XRCC5: variants seen among roughly 807,000 people sequenced by gnomAD.
The protein encoded by XRCC5 is X-ray repair cross complementing 5, also known as DNA repair protein Ku80.
In XRCC5, 12 loss-of-function variants were observed where a neutral mutation model predicts 95.7. That is an observed-to-expected ratio of 0.13 (90% CI 0.08 to 0.20). The LOEUF is 0.20. XRCC5 is among the 10% of genes least tolerant of loss of function. The probability of loss-of-function intolerance (pLI) is 1.00; values close to 1 mark genes in which losing one functional copy is unlikely to be tolerated. For synonymous variants in XRCC5, 281 were observed against 290.3 expected, an observed-to-expected ratio of 0.97 and a Z score of 0.33; for missense variants, 595 against 873.9, an observed-to-expected ratio of 0.68 and a Z score of 4.02.
intron 5 of XRCC5, 45 bp from the exon 6 acceptor site, chr2:216,122,017 A>G (rs1696820992): frequency 6.7e-7 from 1 of 1,497,950 alleles, no homozygotes; most frequent in Non-Finnish European, 9.0e-7. Context: ...GATGAGTTAC[A>G]GTTACAGGAT....
intron 2 of XRCC5, among the ~76,000 whole-genome samples, chr2:216,116,150 T>G (rs1053062229): frequency 6.6e-6 from 1 of 152,228 alleles, no homozygotes; most frequent in African/African-American, 2.4e-5. Flanking sequence ...GATAGTTTGC[T>G]TCCAGTTTTT....
Position 216,160,054 on chromosome 2 carries a change from T to C in XRCC5, c.1671-14T>C, listed in dbSNP as rs574213664. The C allele has an allele frequency of 4.5e-6, 7 of 1,550,654 alleles. No individual in the cohort carries two copies. In the East Asian group the frequency reaches 1.4e-4, roughly 31 times the overall value. On this transcript the variant is annotated splice_polypyrimidine_tract_variant and intron_variant, in intron 14 of 20. Transcript: ENST00000392132. ...ATTGTTTGTTCTAAGAGAAATTTTTTTTTTCTTTTCTAGCCATGAAGATGG... is the reference window on the plus strand; with the variant it reads ...ATTGTTTGTTCTAAGAGAAATTTTTCTTTTCTTTTCTAGCCATGAAGATGG...
intron 14 of XRCC5, 119 bp downstream of exon 14, chr2:216,148,395 C>G: frequency 1.1e-6 from 1 of 910,160 alleles, no homozygotes; most frequent in Non-Finnish European, 1.6e-6. Context: ...GAGGAAGAAG[C>G]CTTTTGCTAT....
At chr2:216,201,550 C>T (rs1467884454) in intron 19 of XRCC5, among the ~76,000 whole-genome samples, 1 of 152,134 alleles carries the variant, frequency 6.6e-6, no homozygotes, top group Admixed American at 6.6e-5. Flanking sequence ...ATAAAGTTCT[C>T]CAGGTAAGGA....
At chr2:216,159,369 G>A (rs1000023818) in intron 14 of XRCC5, among the ~76,000 whole-genome samples, 2 of 152,218 alleles carry the variant, frequency 1.3e-5, no homozygotes, top group African/African-American at 4.8e-5. Context: ...GTTAAAGCCA[G>A]CATGTTGCTT....
Position 216,122,196 on chromosome 2 carries a change from A to G in XRCC5, c.626A>G (p.Lys209Arg). 1 of 1,613,950 alleles carries G rather than the reference A, an allele frequency of 6.2e-7. No homozygotes were observed. Residue 209 changes from lysine (K) to arginine (R), a missense_variant, in exon 6 of 21, where the codon AAA becomes AGA. By Grantham distance (26) the Lys-to-Arg change is conservative (BLOSUM62 2). Coordinates refer to ENST00000392132, the MANE Select transcript of XRCC5 (RefSeq NM_021141.4). ...EQQKEGLEIV[K>R]MVMISLEGED... ...CAAAAAGAAGGTCTTGAGATAGTGA[A>G]AATGGTGATGATATCTTTAGAAGGT...
intron 16 of XRCC5, among the ~76,000 whole-genome samples, chr2:216,169,355 A>G (rs1269129983): frequency 6.6e-6 from 1 of 152,210 alleles, no homozygotes; most frequent in Non-Finnish European, 1.5e-5. Context: ...ACAGCATGCA[A>G]ATGTGCCATC....
Position 216,138,170 on chromosome 2 carries a change from G to A in XRCC5, c.1333G>A (p.Ala445Thr). 9 of 1,612,712 alleles carry A rather than the reference G, an allele frequency of 5.6e-6. No homozygotes were observed. Among genetic ancestry groups the A allele is most frequent in the Non-Finnish European group, 5.9e-6 (7 of 1,179,776 alleles). ...FSSLKNSKKY[A>T]PTEAQLNAVD... ...ATCCTTGAAAAACAGTAAGAAATAT[G>A]CTCCCACCGGTGAGTTTGTTTTCAT... The change falls in exon 12 of 21, where the codon GCT becomes ACT. Residue 445 changes from alanine (A) to threonine (T), a missense_variant. By Grantham distance (58) the Ala-to-Thr change is moderately conservative. Transcript: ENST00000392132.
intron 10 of XRCC5, among the ~76,000 whole-genome samples, chr2:216,133,569 C>T (rs1432403601): frequency 6.6e-6 from 1 of 152,218 alleles, no homozygotes; most frequent in Admixed American, 6.5e-5. Flanking sequence ...TGAGGAATCA[C>T]AAAGTTGTGT....
chr2:216,180,663 C>T (rs1235823477), intron 16 of XRCC5, among the ~76,000 whole-genome samples: 4 of 151,870 alleles, frequency 2.6e-5, no homozygotes, highest in Admixed American at 2.6e-4. Context: ...ATAACCTGGT[C>T]CATTATGGTA....
At chr2:216,133,351 G>GT (rs1265421314) in intron 10 of XRCC5, among the ~76,000 whole-genome samples, 1 of 152,034 alleles carries the variant, frequency 6.6e-6, no homozygotes, top group Admixed American at 6.6e-5. Flanking sequence ...ATTTTGTTTT[G>GT]TTTTTTTAAG....
Position 216,192,691 on chromosome 2 carries a change from T to A in XRCC5, c.1997T>A (p.Val666Glu). The A allele has an allele frequency of 1.2e-6, 2 of 1,601,094 alleles. No individual in the cohort carries two copies. Among genetic ancestry groups the A allele is most frequent in the Non-Finnish European group, 1.7e-6 (2 of 1,173,362 alleles). The change falls in exon 18 of 21, where the codon GTG becomes GAG. Residue 666 changes from valine to glutamate, a missense_variant. By Grantham distance (121) the Val-to-Glu change is moderately radical. Coordinates refer to ENST00000392132, the MANE Select transcript of XRCC5 (RefSeq NM_021141.4). The part of the protein sequence containing the change: ...NNFLKALQEK[V>E]EIKQLNHFWE... ...TTCCTGAAAGCCCTTCAAGAGAAAG[T>A]GGAAATTAAACAATTAAATCATTTC...
intron 13 of XRCC5, among the ~76,000 whole-genome samples, chr2:216,147,283 C>T (rs975550318): frequency 1.1e-4 from 16 of 152,048 alleles, no homozygotes; most frequent in African/African-American, 2.4e-4. Context: ...GGTGTATGAG[C>T]GAAGCAGGAG....
At chr2:216,149,665 A>G (rs1455797740) in intron 14 of XRCC5, among the ~76,000 whole-genome samples, 1 of 152,160 alleles carries the variant, frequency 6.6e-6, no homozygotes, top group Non-Finnish European at 1.5e-5. Context: ...GTTGTGGGAA[A>G]GAAATGGGCC....
At position 216,129,833 on chromosome 2, in the gene XRCC5, C is replaced by G. The variant is rs575743670; in HGVS notation, c.938-1042C>G. Among the ~76,000 whole-genome samples the G allele has an allele frequency of 1.4e-4, 22 of 152,186 alleles. 1 individual carries two copies. In the South Asian group the frequency reaches 4.4e-3, roughly 30 times the overall value. ...GGACTACAGGCGCGTGCCACCATGC[C>G]TGGCTAATTTTTTTTTGTATTTTTA... On this transcript the variant is annotated intron_variant, in intron 8 of 20. Coordinates refer to ENST00000392132, the MANE Select transcript of XRCC5 (RefSeq NM_021141.4).
intron 14 of XRCC5, among the ~76,000 whole-genome samples, chr2:216,157,698 A>G (rs1688873622): frequency 6.6e-6 from 1 of 152,248 alleles, no homozygotes; most frequent in African/African-American, 2.4e-5. Flanking sequence ...TATAGTACAT[A>G]TTCAGTAAAT....
Position 216,204,357 on chromosome 2 carries a change from A to T in XRCC5, c.2145A>T (p.Thr715=). The T allele has an allele frequency of 6.2e-7, 1 of 1,613,978 alleles. No homozygotes were observed. Among genetic ancestry groups the T allele is most frequent in the South Asian group, 1.1e-5 (1 of 91,086 alleles). ...CCAAAGACAAACCAAGTGGAGACAC[A>T]GCAGCTGTATTTGAAGAAGGTGGTG... The part of the protein sequence containing the change: ...LAPKDKPSGD[T]AAVFEEGGDV... Residue 715 remains threonine, a synonymous_variant, in exon 20 of 21, where the codon ACA becomes ACT. Transcript: ENST00000392132.
At chr2:216,162,855 T>C (rs1688978587) in intron 16 of XRCC5, among the ~76,000 whole-genome samples, 1 of 152,196 alleles carries the variant, frequency 6.6e-6, no homozygotes, top group Non-Finnish European at 1.5e-5. Flanking sequence ...TAGAATCTCA[T>C]TTAGGCTGTG....
intron 16 of XRCC5, among the ~76,000 whole-genome samples, chr2:216,167,827 A>G (rs532352870): frequency 6.6e-6 from 1 of 152,266 alleles, no homozygotes; most frequent in Non-Finnish European, 1.5e-5. Flanking sequence ...TAGCCCTATA[A>G]AAGTTTTTTT....
Sources: allele counts gnomAD v4.1 joint callset (sites outside exome capture counted in the v4.1 genomes callset), GRCh38; gene constraint gnomAD v4.1.1; transcripts MANE v1.5; gene names NCBI Gene and HGNC (gene_info 2026-07-23, HGNC 2026-07-21).